SH3PXD2B: variants seen among roughly 807,000 people sequenced by gnomAD.
The protein encoded by SH3PXD2B is SH3 and PX domains 2B.
Under a neutral mutation model 73.1 loss-of-function variants are expected in SH3PXD2B, and 37 were observed. The ratio of observed to expected loss-of-function variants is 0.51; its 90% CI spans 0.39 to 0.67. The LOEUF (loss-of-function observed/expected upper bound fraction) is 0.67. SH3PXD2B is among the 30% of genes least tolerant of loss of function. The probability of loss-of-function intolerance (pLI) is 0.00; values close to 1 mark genes in which losing one functional copy is unlikely to be tolerated. For missense variants in SH3PXD2B, 1,053 were observed against 1,197.8 expected, an observed-to-expected ratio of 0.88 and a Z score of 1.78; for synonymous variants, 457 against 480.5, an observed-to-expected ratio of 0.95 and a Z score of 0.64.
At chr5:172,400,486 C>A (rs1758400600) in intron 3 of SH3PXD2B, among the ~76,000 whole-genome samples, 1 of 145,554 alleles carries the variant, frequency 6.9e-6, no homozygotes, top group South Asian at 2.1e-4. Context: ...AAAGGCATTA[C>A]CCCCCTGAGG....
intron 6 of SH3PXD2B, among the ~76,000 whole-genome samples, chr5:172,367,229 C>T (rs555015041): frequency 9.9e-5 from 15 of 151,990 alleles, no homozygotes; most frequent in African/African-American, 2.7e-4. Context: ...TGAGCCACTG[C>T]GCCCGGCTGC....
chr5:172,453,070 C>T (rs1759835734), intron 1 of SH3PXD2B, among the ~76,000 whole-genome samples: 1 of 152,056 alleles, frequency 6.6e-6, no homozygotes, highest in Non-Finnish European at 1.5e-5. Flanking sequence ...TTCAGAATTT[C>T]ACAGGCTATT....
intron 4 of SH3PXD2B, among the ~76,000 whole-genome samples, chr5:172,392,524 C>A (rs1314773552): frequency 6.6e-6 from 1 of 152,002 alleles, no homozygotes; most frequent in Non-Finnish European, 1.5e-5. Flanking sequence ...GTAATCCCAG[C>A]ACTTTGGGAG....
intron 3 of SH3PXD2B, among the ~76,000 whole-genome samples, chr5:172,405,096 C>T (rs1223023897): frequency 1.3e-5 from 2 of 152,194 alleles, no homozygotes; most frequent in African/African-American, 2.4e-5. Context: ...TTGGGTAACC[C>T]CTCTCTTTGA....
At chr5:172,418,640 T>C (rs1758880886) in intron 2 of SH3PXD2B, among the ~76,000 whole-genome samples, 1 of 152,168 alleles carries the variant, frequency 6.6e-6, no homozygotes, top group Non-Finnish European at 1.5e-5. Context: ...CTTTCCCTGC[T>C]GGGGTGTGTG....
At chr5:172,444,114 C>T (rs1198399467) in intron 1 of SH3PXD2B, among the ~76,000 whole-genome samples, 1 of 152,236 alleles carries the variant, frequency 6.6e-6, no homozygotes, top group Non-Finnish European at 1.5e-5. Context: ...CCAGTGATTT[C>T]AGTGGGACCG....
At chr5:172,425,444 T>C (rs79218284) in intron 1 of SH3PXD2B, among the ~76,000 whole-genome samples, 2,711 of 152,112 alleles carry the variant, frequency 0.018, 35 homozygotes, top group Non-Finnish European at 0.027. Flanking sequence ...AAGGGAAGCC[T>C]ATCTGAGGAG....
At chr5:172,440,401 G>A (rs1372926912) in intron 1 of SH3PXD2B, among the ~76,000 whole-genome samples, 1 of 152,226 alleles carries the variant, frequency 6.6e-6, no homozygotes. Flanking sequence ...TGTGGGCAAG[G>A]GTGAGACCTG....
In SH3PXD2B at chr5:172,367,561, T is replaced by C. The variant is rs541475107; in HGVS notation, c.428-4692A>G. Reference sequence around the variant, plus strand: ...CCTTATTAGACCTTATCTCCTTCACTCTCCCCAATGTGGCGCAGATGGTTA... The same window carrying C: ...CCTTATTAGACCTTATCTCCTTCACCCTCCCCAATGTGGCGCAGATGGTTA... On this transcript the variant is annotated intron_variant, in intron 6 of 12. Coordinates refer to ENST00000311601, the MANE Select transcript of SH3PXD2B (RefSeq NM_001017995.3). Among the ~76,000 whole-genome samples, 8 of 152,244 alleles carry C rather than the reference T, an allele frequency of 5.3e-5. No individual in the cohort carries two copies. The East Asian group carries it at 9.6e-4, about 18-fold the overall frequency.
chr5:172,327,752 GTTTTTTT>G (rs3053146), intron 12 of SH3PXD2B, among the ~76,000 whole-genome samples: 86,898 of 142,452 alleles, frequency 0.61, 26,306 homozygotes, highest in South Asian at 0.83. Context: ...CTGCAACTGG[GTTTTTTT>G]TTTTTTTTTT....
chr5:172,354,123 C>T, intron 8 of SH3PXD2B, 118 bp from the exon 9 acceptor site: 1 of 918,830 alleles, frequency 1.1e-6, no homozygotes, highest in Non-Finnish European at 1.7e-6. Context: ...TTTCTGGGCA[C>T]CCCCCCTGGC....
chr5:172,345,994 G>C, intron 12 of SH3PXD2B, 142 bp downstream of exon 12: 1 of 1,287,304 alleles, frequency 7.8e-7, no homozygotes, highest in Non-Finnish European at 1.1e-6. Flanking sequence ...ATTGTAAACT[G>C]TATGGTATGT....
At chr5:172,380,099 C>T (rs1432275962) in intron 5 of SH3PXD2B, among the ~76,000 whole-genome samples, 1 of 152,178 alleles carries the variant, frequency 6.6e-6, no homozygotes, top group African/African-American at 2.4e-5. Context: ...CTCTGTCACC[C>T]AGGCTGGAGT....
chr5:172,332,621 G>A (rs1285980526), downstream of SH3PXD2B, among the ~76,000 whole-genome samples: 17 of 152,012 alleles, frequency 1.1e-4, no homozygotes, highest in Admixed American at 1.0e-3. Flanking sequence ...TCCTAAGCAA[G>A]GTCTGCAAGA....
chr5:172,430,837 C>T (rs1004251814), intron 1 of SH3PXD2B, among the ~76,000 whole-genome samples: 2 of 151,920 alleles, frequency 1.3e-5, no homozygotes, highest in African/African-American at 4.8e-5. Flanking sequence ...GCCAACGCCC[C>T]ACTTGAGAAG....
intron 2 of SH3PXD2B, among the ~76,000 whole-genome samples, chr5:172,419,861 C>G (rs1758918637): frequency 6.6e-6 from 1 of 152,214 alleles, no homozygotes; most frequent in Non-Finnish European, 1.5e-5. Context: ...AAGCAAAATA[C>G]AGGTAGCCCT....
chr5:172,383,355 C>G (rs1249895332), intron 4 of SH3PXD2B, among the ~76,000 whole-genome samples: 1 of 152,186 alleles, frequency 6.6e-6, no homozygotes, highest in East Asian at 1.9e-4. Context: ...CTCCACAAAG[C>G]TGGTTTATCT....
At chr5:172,417,106 C>A (rs1054702439) in intron 2 of SH3PXD2B, among the ~76,000 whole-genome samples, 1 of 152,108 alleles carries the variant, frequency 6.6e-6, no homozygotes, top group Non-Finnish European at 1.5e-5. Context: ...GTCCTGCCCC[C>A]GTTGGAGGGG....
chr5:172,412,719 C>G (rs1011461570), intron 2 of SH3PXD2B, among the ~76,000 whole-genome samples: 51 of 152,290 alleles, frequency 3.3e-4, no homozygotes, highest in African/African-American at 1.1e-3. Context: ...CTCCAAGGGA[C>G]CAGGCCCAGG....
Sources: gnomAD v4.1 joint callset for allele counts (sites outside exome capture counted in the v4.1 genomes callset) on GRCh38, gnomAD v4.1.1 for gene constraint, MANE v1.5 for transcripts, NCBI Gene and HGNC (gene_info 2026-07-23, HGNC 2026-07-21) for gene names.